The following UBE2E2 variants were observed in gnomAD, a reference collection of about 807,000 sequenced individuals.
UBE2E2 encodes ubiquitin-conjugating enzyme E2 E2.
Under a neutral mutation model 24.7 loss-of-function variants are expected in UBE2E2, and 6 were observed. The ratio of observed to expected loss-of-function variants is 0.24; its 90% CI spans 0.13 to 0.48. The LOEUF (loss-of-function observed/expected upper bound fraction) is 0.48, where lower values mean the gene tolerates loss of function less well. Among genes scored for constraint, UBE2E2 ranks in the 20% least tolerant of loss-of-function variants. UBE2E2 has a pLI of 0.99. For synonymous variants in UBE2E2, 104 were observed against 83.6 expected, an observed-to-expected ratio of 1.24 and a Z score of -1.33; for missense variants, 169 against 245.0, an observed-to-expected ratio of 0.69 and a Z score of 2.07.
intron 3 of UBE2E2, among the ~76,000 whole-genome samples, chr3:23,372,629 A>C (rs962126732): frequency 6.6e-6 from 1 of 152,238 alleles, no homozygotes; most frequent in African/African-American, 2.4e-5. Context: ...AGATAAGCAT[A>C]CAATAGAAGC....
At chr3:23,308,917 C>T (rs570934730) in intron 3 of UBE2E2, among the ~76,000 whole-genome samples, 17 of 152,264 alleles carry the variant, frequency 1.1e-4, no homozygotes, top group Admixed American at 5.2e-4. Flanking sequence ...GGTACAAGTC[C>T]CACAGTCCAA....
At chr3:23,285,596 C>T (rs1360279055) in intron 3 of UBE2E2, among the ~76,000 whole-genome samples, 1 of 152,114 alleles carries the variant, frequency 6.6e-6, no homozygotes, top group Non-Finnish European at 1.5e-5. Flanking sequence ...ACTTTATTGT[C>T]GTTTTGATTT....
chr3:23,306,634 T>A (rs1002440421), intron 3 of UBE2E2, among the ~76,000 whole-genome samples: 1 of 152,204 alleles, frequency 6.6e-6, no homozygotes, highest in African/African-American at 2.4e-5. Context: ...GATTGATGAT[T>A]TATGGCCACA....
At chr3:23,465,659 G>C (rs1461908346) in intron 3 of UBE2E2, among the ~76,000 whole-genome samples, 1 of 152,168 alleles carries the variant, frequency 6.6e-6, no homozygotes, top group African/African-American at 2.4e-5. Flanking sequence ...TCCCTGATCA[G>C]ATCTACAGAA....
chr3:23,497,091 G>T (rs1413487516), intron 3 of UBE2E2, among the ~76,000 whole-genome samples: 1 of 152,136 alleles, frequency 6.6e-6, no homozygotes, highest in African/African-American at 2.4e-5. Context: ...CGTGTTTATT[G>T]TTACCCTGAG....
chr3:23,492,582 G>C (rs7646541), intron 3 of UBE2E2, among the ~76,000 whole-genome samples: 39,626 of 152,054 alleles, frequency 0.26, 5,308 homozygotes, highest in East Asian at 0.35. Flanking sequence ...ACCATTAAAA[G>C]TTTATTTTCA....
intron 3 of UBE2E2, among the ~76,000 whole-genome samples, chr3:23,376,498 G>A (rs974022163): frequency 1.3e-5 from 2 of 152,178 alleles, no homozygotes; most frequent in Non-Finnish European, 2.9e-5. Flanking sequence ...ATTATTAAAG[G>A]CGTTGCCCAA....
intron 3 of UBE2E2, among the ~76,000 whole-genome samples, chr3:23,488,954 A>T (rs1428457257): frequency 1.3e-5 from 2 of 152,198 alleles, no homozygotes. Flanking sequence ...AGGTTGAAAA[A>T]TATACTCAGA....
chr3:23,213,238 G>A (rs1317159710), intron 2 of UBE2E2, among the ~76,000 whole-genome samples: 2 of 152,086 alleles, frequency 1.3e-5, no homozygotes, highest in Non-Finnish European at 2.9e-5. Flanking sequence ...AAATGTATGT[G>A]TGTGTTTTAA....
chr3:23,525,128 T>C (rs1056455910), intron 4 of UBE2E2, among the ~76,000 whole-genome samples: 2 of 152,148 alleles, frequency 1.3e-5, no homozygotes, highest in Admixed American at 6.5e-5. Context: ...ACATCACTTA[T>C]CACATCCCCT....
At chr3:23,354,150 T>G (rs955624106) in intron 3 of UBE2E2, among the ~76,000 whole-genome samples, 1 of 152,038 alleles carries the variant, frequency 6.6e-6, no homozygotes, top group Non-Finnish European at 1.5e-5. Context: ...GATTCCCTAT[T>G]TAATAAATGG....
chr3:23,344,018 G>A (rs1346109517), intron 3 of UBE2E2, among the ~76,000 whole-genome samples: 1 of 152,118 alleles, frequency 6.6e-6, no homozygotes, highest in Non-Finnish European at 1.5e-5. Flanking sequence ...TTAAAAACCA[G>A]AAATATCAAC....
intron 3 of UBE2E2, among the ~76,000 whole-genome samples, chr3:23,343,382 C>T (rs772802931): frequency 2.0e-5 from 3 of 152,028 alleles, no homozygotes; most frequent in Non-Finnish European, 4.4e-5. Context: ...TCAACACCAG[C>T]CTGGCCAACA....
intron 3 of UBE2E2, among the ~76,000 whole-genome samples, chr3:23,471,359 T>C (rs1217290503): frequency 2.0e-5 from 3 of 152,094 alleles, no homozygotes; most frequent in Non-Finnish European, 2.9e-5. Context: ...AAGCTAAGTA[T>C]CCTTATAAAC....
At chr3:23,567,178 A>C (rs904567404) in intron 5 of UBE2E2, among the ~76,000 whole-genome samples, 3 of 152,226 alleles carry the variant, frequency 2.0e-5, no homozygotes, top group African/African-American at 7.2e-5. Context: ...CAAGGTTCAC[A>C]ATATGCTTCC....
intron 3 of UBE2E2, among the ~76,000 whole-genome samples, chr3:23,290,490 T>A (rs1246714663): frequency 6.6e-6 from 1 of 152,070 alleles, no homozygotes; most frequent in Admixed American, 6.6e-5. Flanking sequence ...TTTTTTTAAT[T>A]TTTATTTTTT....
In UBE2E2 at chr3:23,352,318, A is replaced by G. The variant is rs1186188750; in HGVS notation, c.227+135006A>G. 3.3e-5 allele frequency among the ~76,000 whole-genome samples: 5 copies of G among 152,312 alleles called. No homozygotes were observed. In the South Asian group the frequency reaches 6.2e-4, roughly 19 times the overall value. ...AATTGACACCCTAACATCACAATTA[A>G]AAGAGCTAGAAAAACAAGAGCAAAC... On this transcript the variant is annotated intron_variant, in intron 3 of 5. Transcript: ENST00000396703.
chr3:23,276,676 G>C (rs1429838663), intron 3 of UBE2E2, among the ~76,000 whole-genome samples: 5 of 151,910 alleles, frequency 3.3e-5, no homozygotes, highest in Admixed American at 2.0e-4. Context: ...GTAGAGTGTG[G>C]GTTGTGTTTT....
intron 3 of UBE2E2, among the ~76,000 whole-genome samples, chr3:23,260,920 G>A (rs1697882371): frequency 1.3e-5 from 2 of 152,002 alleles, no homozygotes; most frequent in Non-Finnish European, 2.9e-5. Context: ...CATGGGCAAC[G>A]TGGCAAAACG....
Sources: allele counts gnomAD v4.1 joint callset (sites outside exome capture counted in the v4.1 genomes callset), GRCh38; gene constraint gnomAD v4.1.1; transcripts MANE v1.5; gene names NCBI Gene and HGNC (gene_info 2026-07-23, HGNC 2026-07-21).